PCSK4: variants seen among roughly 807,000 people sequenced by gnomAD.
PCSK4 encodes testicular tissue protein Li 135.
A neutral mutation model predicts 80.3 loss-of-function variants in PCSK4; 64 were observed. The observed-to-expected ratio is 0.80, with a 90% CI of 0.65 to 0.98. The LOEUF is 0.98. Among genes scored for constraint, PCSK4 ranks in the 50% least tolerant of loss-of-function variants. PCSK4 has a pLI of 0.00. For synonymous variants in PCSK4, 561 were observed against 487.6 expected (o/e 1.15, Z -1.98); for missense variants, 1,213 against 1,093.6 (o/e 1.11, Z -1.54).
chr19:1,489,787 G>T lies in PCSK4; in HGVS notation c.294+6C>A. On this transcript the variant is annotated splice_donor_region_variant and intron_variant, in intron 2 of 14. Coordinates refer to ENST00000300954, the Ensembl canonical transcript of PCSK4. ...GGCAGGGGGTTGGCCTCCAGGCCAG[G>T]CTCACCTTGGGGTTTTTCTTCAGGT... 8.1e-6 allele frequency: 13 copies of T among 1,607,600 alleles called. No homozygotes were observed. Among genetic ancestry groups the T allele is most frequent in the Non-Finnish European group, 1.1e-5 (13 of 1,176,896 alleles).
chr19:1,483,475 G>T lies in PCSK4; in HGVS notation c.1392-12C>A. 6.4e-7 allele frequency: 1 copy of T among 1,567,146 alleles called. No individual in the cohort carries two copies. Among genetic ancestry groups the T allele is most frequent in the Non-Finnish European group, 8.6e-7 (1 of 1,156,524 alleles). ...GCGGCAGGATGGGGCTGAGGGGGTCGAGGGGTGAGGACCCTCCTGCGGCCT... is the reference window on the plus strand; with the variant it reads ...GCGGCAGGATGGGGCTGAGGGGGTCTAGGGGTGAGGACCCTCCTGCGGCCT... On this transcript the variant is annotated splice_polypyrimidine_tract_variant and intron_variant, in intron 11 of 14. Coordinates refer to ENST00000300954, the Ensembl canonical transcript of PCSK4.
chr19:1,485,043 G>C (rs2084532189), intron 8 of PCSK4, among the ~76,000 whole-genome samples: 2 of 152,024 alleles, frequency 1.3e-5, no homozygotes, highest in South Asian at 2.1e-4. Flanking sequence ...AGCTACTCAG[G>C]AGGCTGAGGC....
chr19:1,483,619 G>T, intron 11 of PCSK4, 31 bp downstream of exon 11: 2 of 1,521,762 alleles, frequency 1.3e-6, no homozygotes, highest in Non-Finnish European at 1.8e-6. Context: ...ACCCCCAGCG[G>T]GGATAGCGGA....
Position 1,483,818 on chromosome 19 carries a change from C to A in PCSK4, c.1273+20G>T. ...GCCCCGTGGGCCCCGGGTCCCCGCC[C>A]CCGCCCGGCCCCGCCGCACCTTGGC... On this transcript the variant is annotated intron_variant, in intron 10 of 14. Transcript: ENST00000300954. 6.7e-7 allele frequency: 1 copy of A among 1,483,556 alleles called. No individual in the cohort carries two copies. The highest frequency in any genetic ancestry group is 8.9e-7 in the Non-Finnish European group (1 of 1,125,108). The allele number at this position is 1,483,556 out of a possible 1,614,324, so 91.9% of individuals were successfully genotyped here.
At chr19:1,487,216 A>G (rs565922283) in exon 7 of PCSK4, 1 of 1,607,678 alleles carries the variant, frequency 6.2e-7, no homozygotes, top group East Asian at 2.2e-5. Flanking sequence ...CGTCCTCGGG[A>G]CCCCAGCTGG....
intron 1 of PCSK4, 30 bp from the exon 2 acceptor site, chr19:1,489,927 T>G: frequency 6.3e-7 from 1 of 1,577,688 alleles, no homozygotes; most frequent in Non-Finnish European, 8.6e-7. Flanking sequence ...GCCGCACCGA[T>G]GGGACCCGGC....
chr19:1,488,328 G>A (rs1368947292), intron 2 of PCSK4, 48 bp from the exon 3 acceptor site: 2 of 1,479,984 alleles, frequency 1.4e-6, no homozygotes, highest in South Asian at 2.3e-5. Context: ...CGCCCCTGGG[G>A]CCCCTCGTGG....
intron 8 of PCSK4, 100 bp downstream of exon 8, chr19:1,486,753 G>T: frequency 9.6e-7 from 1 of 1,038,222 alleles, no homozygotes; most frequent in Non-Finnish European, 1.4e-6. Flanking sequence ...TTTCAAAGCA[G>T]CTTTGGGAGG....
At chr19:1,482,683 G>A in intron 13 of PCSK4, 2 of 761,520 alleles carry the variant, frequency 2.6e-6, no homozygotes, top group Non-Finnish European at 4.2e-6. Context: ...CCTGTCACTG[G>A]GCACCTACAT....
Position 1,487,284 on chromosome 19 carries a change from C to T in PCSK4, c.712G>A (p.Asp238Asn), listed in dbSNP as rs149717479. Residue 238 changes from aspartate (D) to asparagine (N), a missense_variant, in exon 7 of 15, where the codon GAT becomes AAT. Coordinates refer to ENST00000300954, the Ensembl canonical transcript of PCSK4. Reference sequence around the variant, plus strand: ...CTCAGCGACTGGGCCTCGATGACATCGGTGATGGTACCGTCCAGCATCCGT... The same window carrying T: ...CTCAGCGACTGGGCCTCGATGACATTGGTGATGGTACCGTCCAGCATCCGT... 19 of 1,598,970 alleles carry T rather than the reference C, an allele frequency of 1.2e-5. No individual in the cohort carries two copies. Among genetic ancestry groups the T allele is most frequent in the African/African-American group, 4.0e-5 (3 of 74,820 alleles).
Position 1,482,216 on chromosome 19 carries a change from G to C in PCSK4, c.1820-9C>G. 6.5e-7 allele frequency: 1 copy of C among 1,528,080 alleles called. No individual in the cohort carries two copies. Among genetic ancestry groups the C allele is most frequent in the South Asian group, 1.2e-5 (1 of 83,224 alleles). 94.7% of individuals were successfully genotyped at this position (1,528,080 alleles called of 1,614,324 possible). On this transcript the variant is annotated splice_polypyrimidine_tract_variant and intron_variant, in intron 14 of 14. Transcript: ENST00000300954. Reference sequence around the variant, plus strand: ...GGCGGGGCCGTCACACGCTGCTCGGGGACACGCACGCAAAGGCCCGTCAGC... The same window carrying C: ...GGCGGGGCCGTCACACGCTGCTCGGCGACACGCACGCAAAGGCCCGTCAGC...
In PCSK4 at chr19:1,490,293, A is replaced by G. The variant is rs368911273; in HGVS notation, c.54T>C (p.Leu18=). 1.1e-5 allele frequency: 18 copies of G among 1,578,646 alleles called. No individual in the cohort carries two copies. In the African/African-American group the frequency reaches 2.4e-4, roughly 21 times the overall value. ...CCCACCCCACAGCCCGGGGGCGGAC[A>G]AGGGCCAGGGCCAAGACCAGGCGCA... The change falls in exon 1 of 15, where the codon CTT becomes CTC. Residue 18 remains leucine (L), a synonymous_variant. Coordinates refer to ENST00000300954, the Ensembl canonical transcript of PCSK4.
intron 13 of PCSK4, 146 bp downstream of exon 13, chr19:1,482,750 G>T (rs541779526): frequency 1.2e-6 from 1 of 868,562 alleles, no homozygotes; most frequent in Non-Finnish European, 1.8e-6. Flanking sequence ...TCTCCCGGGT[G>T]ACTGCACGCC....
At chr19:1,486,995 T>G (rs2084654546) in exon 8 of PCSK4, 1 of 1,609,908 alleles carries the variant, frequency 6.2e-7, no homozygotes, top group Non-Finnish European at 8.5e-7. Flanking sequence ...GCCGTCGCAG[T>G]TGCAGTTGTC....
In PCSK4 at chr19:1,484,923, T is replaced by C. The variant is rs1178380913; in HGVS notation, c.1069-796A>G. Among the ~76,000 whole-genome samples, 4 of 151,046 alleles carry C rather than the reference T, an allele frequency of 2.6e-5. No individual in the cohort carries two copies. The East Asian group carries it at 5.8e-4, about 22-fold the overall frequency. ...ACTTTGGGAGGCTGAGGCGGGCAGA[T>C]TGTTTGAGCTCAGGAGTTTGAGACC... is the stretch of plus-strand genomic sequence containing the variant. On this transcript the variant is annotated intron_variant, in intron 8 of 14. Transcript: ENST00000300954.
chr19:1,482,836 G>T, intron 13 of PCSK4, 60 bp downstream of exon 13: 3 of 1,580,280 alleles, frequency 1.9e-6, no homozygotes, highest in Non-Finnish European at 2.6e-6. Context: ...TAGCTCCAGA[G>T]CCCCTGGGGG....
chr19:1,487,309 T>C (rs2145407489), exon 7 of PCSK4: 1 of 1,587,340 alleles, frequency 6.3e-7, no homozygotes. Flanking sequence ...CCAGCATCCG[T>C]ACGCCTGCAG....
chr19:1,486,764 G>T, intron 8 of PCSK4, 89 bp downstream of exon 8: 1 of 1,119,966 alleles, frequency 8.9e-7, no homozygotes, highest in Non-Finnish European at 1.3e-6. Context: ...CTTTGGGAGG[G>T]TGCTAAGTCA....
In PCSK4 at chr19:1,487,046, G is replaced by A. The variant is rs138345395; in HGVS notation, c.875C>T (p.Thr292Met). The change falls in exon 8 of 15, where the codon ACG (threonine) becomes ATG (methionine). Residue 292 changes from threonine to methionine, a missense_variant. Transcript: ENST00000300954. ...GTTGCCCGAGGCCCAGATGAAGAGC[G>A]TGCCCAGCCCGCCGCGGCCCTGGGA... The A allele has an allele frequency of 3.2e-5, 52 of 1,606,728 alleles. No homozygotes were observed. Among genetic ancestry groups the A allele is most frequent in the African/African-American group, 1.6e-4 (12 of 74,904 alleles).
Sources: allele counts gnomAD v4.1 joint callset (sites outside exome capture counted in the v4.1 genomes callset), GRCh38; gene constraint gnomAD v4.1.1; transcripts MANE v1.5; gene names NCBI Gene and HGNC (gene_info 2026-07-23, HGNC 2026-07-21).